The following UNC13B variants were observed in gnomAD, a reference collection of about 807,000 sequenced individuals.
UNC13B encodes unc-13 homolog B.
A neutral mutation model predicts 211.0 loss-of-function variants in UNC13B; 144 were observed. The ratio of observed to expected loss-of-function variants is 0.68; its 90% CI spans 0.60 to 0.78. The LOEUF (loss-of-function observed/expected upper bound fraction) is 0.78. UNC13B is among the 30% of genes least tolerant of loss of function. The probability of loss-of-function intolerance (pLI) is 0.00; values close to 1 mark genes in which losing one functional copy is unlikely to be tolerated. For missense variants in UNC13B, 1,777 were observed against 2,002.0 expected (o/e 0.89, Z 2.14); for synonymous variants, 709 against 725.8 (o/e 0.98, Z 0.37).
Position 35,300,567 on chromosome 9 carries a change from A to G in UNC13B, c.1163A>G (p.Asp388Gly). Residue 388 changes from aspartate to glycine, a missense_variant, in exon 9 of 40, where the codon GAT becomes GGT. Physicochemically the swap from Asp to Gly is moderately conservative, Grantham distance 94 (BLOSUM62 -1). Coordinates refer to ENST00000635942, the MANE Select transcript of UNC13B (RefSeq NM_001371189.2). ...GAACTTCTGGGTTCCCCCATTTCTGATAAGCAGGAAAATTTACAGTCACCA... is the reference window on the plus strand; with the variant it reads ...GAACTTCTGGGTTCCCCCATTTCTGGTAAGCAGGAAAATTTACAGTCACCA... ...SDELLGSPISDKQENLQSPTW... is the reference protein window; with the variant it reads ...SDELLGSPISGKQENLQSPTW... The G allele has an allele frequency of 2.5e-6, 1 of 399,012 alleles. No individual in the cohort carries two copies. Among genetic ancestry groups the G allele is most frequent in the East Asian group, 3.6e-5 (1 of 28,068 alleles). 24.7% of individuals were successfully genotyped at this position (399,012 alleles called of 1,614,324 possible). A position where few individuals can be genotyped will look rare whatever the true frequency, so the allele number is the denominator to read the frequency against.
At chr9:35,402,919 G>T (rs1464124130) in intron 37 of UNC13B, among the ~76,000 whole-genome samples, 2 of 152,164 alleles carry the variant, frequency 1.3e-5, no homozygotes, top group African/African-American at 4.8e-5. Context: ...GAGTTTTGGG[G>T]ATCCTTGAGA....
chr9:35,223,411 A>C (rs529221616), intron 1 of UNC13B, among the ~76,000 whole-genome samples: 137 of 152,264 alleles, frequency 9.0e-4, no homozygotes, highest in Non-Finnish European at 1.7e-3. Flanking sequence ...ATGATAGCTC[A>C]CTGTGGTTTT....
chr9:35,218,041 T>C (rs1436818321), intron 1 of UNC13B, among the ~76,000 whole-genome samples: 1 of 151,960 alleles, frequency 6.6e-6, no homozygotes, highest in Non-Finnish European at 1.5e-5. Context: ...ATTTTAGGCG[T>C]GGAAAGAGAA....
intron 1 of UNC13B, among the ~76,000 whole-genome samples, chr9:35,209,925 T>C (rs572168498): frequency 1.3e-5 from 2 of 152,312 alleles, no homozygotes; most frequent in East Asian, 3.9e-4. Context: ...CTTACCCTTC[T>C]TTTAAGCACA....
rs117714627 is a variant in UNC13B, at chr9:35,303,966, G to A, written c.4562G>A (p.Trp1521Ter). ...TTGTCATGTCTTGAACATGGAGTGT[G>A]GTGGCCATCAGAGGATGGGGATTAT... ...EWLSCLEHGVWWPSEDGDYGY... is the reference protein window; with the variant it reads ...EWLSCLEHGV The change falls in exon 9 of 40, where the codon TGG (tryptophan) becomes TAG (stop). Residue 1521 changes from tryptophan to a stop codon, truncating the protein, a stop_gained. Transcript: ENST00000635942. LOFTEE classifies it high-confidence loss of function. 3.1e-4 allele frequency: 125 copies of A among 398,748 alleles called. No homozygotes were observed. In the East Asian group the frequency reaches 4.3e-3, roughly 14 times the overall value. 24.7% of individuals were successfully genotyped at this position (398,748 alleles called of 1,614,324 possible).
chr9:35,296,061 T>G (rs1829344184), intron 8 of UNC13B, 131 bp downstream of exon 8: 2 of 761,692 alleles, frequency 2.6e-6, no homozygotes, highest in East Asian at 2.7e-5. Context: ...CAAACTACAG[T>G]CATTTTGTGT....
chr9:35,366,872 A>G, intron 11 of UNC13B, 75 bp from the exon 12 acceptor site: 2 of 1,282,974 alleles, frequency 1.6e-6, no homozygotes, highest in Non-Finnish European at 2.3e-6. Flanking sequence ...CTTGTACTCT[A>G]CTGCTCGCTG....
chr9:35,214,315 T>C (rs553016737), intron 1 of UNC13B, among the ~76,000 whole-genome samples: 2 of 152,164 alleles, frequency 1.3e-5, no homozygotes, highest in East Asian at 3.9e-4. Flanking sequence ...TAATCCCAGC[T>C]ACTGAGTAGG....
chr9:35,401,824 C>T, intron 37 of UNC13B: 1 of 855,294 alleles, frequency 1.2e-6, no homozygotes, highest in Non-Finnish European at 1.8e-6. Flanking sequence ...CTCTGCCCCA[C>T]CTCTGTGCTC....
At position 35,332,677 on chromosome 9, in the gene UNC13B, T is replaced by C. The variant is rs528981709; in HGVS notation, c.9414+18688T>C. Reference sequence around the variant, plus strand: ...CCATTTTATGTATTACTGCCAGATTTATCTTTCTGAAATAGAGCTCGAGTC... The same window carrying C: ...CCATTTTATGTATTACTGCCAGATTCATCTTTCTGAAATAGAGCTCGAGTC... On this transcript the variant is annotated intron_variant, in intron 11 of 39. Transcript: ENST00000635942. Among the ~76,000 whole-genome samples, 4 of 152,344 alleles carry C rather than the reference T, an allele frequency of 2.6e-5. No individual in the cohort carries two copies. The East Asian group carries it at 7.7e-4, about 29-fold the overall frequency.
Position 35,399,224 on chromosome 9 carries a change from G to A in UNC13B, c.12138G>A (p.Trp4046Ter). Residue 4046 changes from tryptophan to a stop codon, truncating the protein, a stop_gained, in exon 34 of 40, where the codon TGG (tryptophan) becomes TGA (stop). Coordinates refer to ENST00000635942, the MANE Select transcript of UNC13B (RefSeq NM_001371189.2). LOFTEE classifies it high-confidence loss of function. ...TVLKRVLKEL[W>*]RVVMNTMERM... is the part of the protein sequence containing the mutation. ...TGAAGCGTGTACTGAAGGAGCTCTG[G>A]CGCGTGGTGATGAACACAATGGAGA... The A allele has an allele frequency of 6.2e-7, 1 of 1,614,160 alleles. No individual in the cohort carries two copies. The highest frequency in any genetic ancestry group is 8.5e-7 in the Non-Finnish European group (1 of 1,180,026).
chr9:35,184,753 AAAGAAAGGAAGGAAGG>A (rs1264315164), intron 1 of UNC13B, among the ~76,000 whole-genome samples: 3 of 90,566 alleles, frequency 3.3e-5, no homozygotes, highest in Admixed American at 2.3e-4. Flanking sequence ...AGAAAGAAAG[AAAGAAAGGAAGGAAGG>A]AAGGAAGGAA....
intron 1 of UNC13B, among the ~76,000 whole-genome samples, chr9:35,198,175 A>C (rs1291162993): frequency 6.6e-6 from 1 of 152,116 alleles, no homozygotes; most frequent in African/African-American, 2.4e-5. Context: ...TGTAATCCCC[A>C]GTTTTGGAGG....
At chr9:35,201,381 T>A (rs1368947937) in intron 1 of UNC13B, among the ~76,000 whole-genome samples, 1 of 152,212 alleles carries the variant, frequency 6.6e-6, no homozygotes, top group African/African-American at 2.4e-5. Flanking sequence ...CCTCTTTTTC[T>A]ATTGATTGGA....
chr9:35,285,450 G>C (rs1035453063), intron 7 of UNC13B, among the ~76,000 whole-genome samples: 49 of 152,196 alleles, frequency 3.2e-4, no homozygotes, highest in African/African-American at 1.1e-3. Flanking sequence ...CCAGGCACAT[G>C]GTTCACTCCT....
Position 35,237,821 on chromosome 9 carries a change from C to A in UNC13B, c.389C>A (p.Pro130His). ...TTGCTTGATACAAGATTTGAGTTGC[C>A]TTTTGGTGAGTAAAATTTTAAAACT... ...KILLDTRFELPFDIPEEEARY... is the reference protein window; with the variant it reads ...KILLDTRFELHFDIPEEEARY... Residue 130 changes from proline (P) to histidine (H), a missense_variant, in exon 5 of 40, where the codon CCT (proline) becomes CAT (histidine). Coordinates refer to ENST00000635942, the MANE Select transcript of UNC13B (RefSeq NM_001371189.2). 1 of 1,602,666 alleles carries A rather than the reference C, an allele frequency of 6.2e-7. No individual in the cohort carries two copies. The highest frequency in any genetic ancestry group is 8.5e-7 in the Non-Finnish European group (1 of 1,177,298).
intron 12 of UNC13B, 85 bp from the exon 13 acceptor site, chr9:35,370,233 G>GGA: frequency 8.7e-7 from 1 of 1,145,312 alleles, no homozygotes. Flanking sequence ...CTGGGGAGAG[G>GGA]GAGAGCAAGG....
chr9:35,168,873 A>G (rs1053836848), intron 1 of UNC13B, among the ~76,000 whole-genome samples: 1 of 151,574 alleles, frequency 6.6e-6, no homozygotes, highest in Non-Finnish European at 1.5e-5. Flanking sequence ...GGGTTTTGCT[A>G]TGTTTCCCAG....
chr9:35,176,312 C>G (rs1361070622), intron 1 of UNC13B, among the ~76,000 whole-genome samples: 1 of 152,062 alleles, frequency 6.6e-6, no homozygotes, highest in Non-Finnish European at 1.5e-5. Flanking sequence ...TTTTGGGAGG[C>G]TGAGGCGGGT....
Sources: allele counts gnomAD v4.1 joint callset (sites outside exome capture counted in the v4.1 genomes callset), GRCh38; gene constraint gnomAD v4.1.1; transcripts MANE v1.5; gene names NCBI Gene and HGNC (gene_info 2026-07-23, HGNC 2026-07-21).